Variants in SCUBE1 observed in about 807,000 individuals in gnomAD.
The protein encoded by SCUBE1 is signal peptide, CUB domain and EGF like domain containing 1.
In SCUBE1, 59 loss-of-function variants were observed where a neutral mutation model predicts 124.4. That is an observed-to-expected ratio of 0.47 (90% CI 0.38 to 0.59). SCUBE1 has a LOEUF of 0.59. SCUBE1 is among the 20% of genes least tolerant of loss of function. The pLI is 0.00. For missense variants in SCUBE1, 1,150 were observed against 1,371.2 expected (o/e 0.84, Z 2.55); for synonymous variants, 545 against 550.9 (o/e 0.99, Z 0.15).
chr22:43,199,870 G>C lies in SCUBE1; in HGVS notation c.*4127C>G, dbSNP rs185475377. 3.9e-5 allele frequency: 6 copies of C among 152,542 alleles called. No homozygotes were observed. Among genetic ancestry groups the C allele is most frequent in the African/African-American group, 4.8e-5 (2 of 41,458 alleles). 9.4% of individuals were successfully genotyped at this position (152,542 alleles called of 1,614,324 possible). A position where few individuals can be genotyped will look rare whatever the true frequency, so the allele number is the denominator to read the frequency against. ...AGGCACAGCCTAATTCTGGGCAGCA[G>C]GTGAGGCCACCTGGCTGCAGGCTGC... On this transcript the variant is annotated 3_prime_UTR_variant, in exon 22 of 22. Transcript: ENST00000360835.
intron 6 of SCUBE1, among the ~76,000 whole-genome samples, chr22:43,251,827 C>T (rs1214553695): frequency 2.0e-5 from 3 of 152,168 alleles, no homozygotes; most frequent in East Asian, 3.9e-4. Flanking sequence ...GCAAGAGGAG[C>T]GGAATGCTCC....
At chr22:43,225,612 T>C (rs982719134) in intron 10 of SCUBE1, among the ~76,000 whole-genome samples, 1 of 150,418 alleles carries the variant, frequency 6.6e-6, no homozygotes, top group Non-Finnish European at 1.5e-5. Flanking sequence ...TCGTCTCTAT[T>C]AAAAATACAA....
At chr22:43,266,726 A>G (rs534948571) in intron 4 of SCUBE1, among the ~76,000 whole-genome samples, 84 of 152,172 alleles carry the variant, frequency 5.5e-4, no homozygotes, top group African/African-American at 2.0e-3. Context: ...CCTGGGGGGA[A>G]CCGATTTGGG....
chr22:43,214,046 C>CCCGGGGGG, intron 16 of SCUBE1, 44 bp downstream of exon 16: 1 of 422,702 alleles, frequency 2.4e-6, no homozygotes, highest in Non-Finnish European at 4.1e-6. Context: ...GAGGAGCCCC[C>CCCGGGGGG]GCCCACCCCC....
Position 43,265,750 on chromosome 22 carries a change from A to C in SCUBE1, c.485-2905T>G, listed in dbSNP as rs150155500. On this transcript the variant is annotated intron_variant, in intron 4 of 21. Coordinates refer to ENST00000360835, the MANE Select transcript of SCUBE1 (RefSeq NM_173050.5). ...TTACAGCTATCGAGACTGGCTAGAT[A>C]CTACAGAGAGAAATTTACATTTACT... is the stretch of plus-strand genomic sequence containing the variant. 2.4e-3 allele frequency among the ~76,000 whole-genome samples: 364 copies of C among 152,348 alleles called. 1 individual carries two copies. Among genetic ancestry groups the C allele is most frequent in the African/African-American group, 8.4e-3 (348 of 41,576 alleles).
At chr22:43,226,574 G>T (rs982130002) in intron 10 of SCUBE1, among the ~76,000 whole-genome samples, 3 of 150,160 alleles carry the variant, frequency 2.0e-5, no homozygotes, top group Admixed American at 6.7e-5. Context: ...CATTCCAAGC[G>T]CTGTGGCTTT....
At chr22:43,208,003 A>G (rs1333717377) in intron 20 of SCUBE1, 69 bp downstream of exon 20, 1 of 1,560,046 alleles carries the variant, frequency 6.4e-7, no homozygotes, top group African/African-American at 1.4e-5. Context: ...GGGACGTGCG[A>G]CTCATCTCTG....
intron 8 of SCUBE1, 116 bp downstream of exon 8, chr22:43,231,637 C>T (rs896937306): frequency 6.8e-6 from 9 of 1,313,910 alleles, no homozygotes; most frequent in Non-Finnish European, 8.3e-6. Flanking sequence ...CCCATTCCCT[C>T]GGGCCCAGCC....
chr22:43,304,835 G>A (rs537603679), intron 3 of SCUBE1, among the ~76,000 whole-genome samples: 4 of 152,154 alleles, frequency 2.6e-5, no homozygotes, highest in East Asian at 1.9e-4. Context: ...CAGGTAGGGC[G>A]AGTCACCCAC....
chr22:43,336,436 C>A (rs977131299), intron 2 of SCUBE1, among the ~76,000 whole-genome samples: 1 of 152,202 alleles, frequency 6.6e-6, no homozygotes, highest in Non-Finnish European at 1.5e-5. Flanking sequence ...GGAGAGCCAA[C>A]TCAGACTAAA....
At chr22:43,306,181 T>C (rs1484726559) in intron 3 of SCUBE1, among the ~76,000 whole-genome samples, 1 of 152,174 alleles carries the variant, frequency 6.6e-6, no homozygotes, top group Non-Finnish European at 1.5e-5. Flanking sequence ...CTGGACTGGG[T>C]TGAGATGCCC....
chr22:43,198,308 G>T lies in SCUBE1; in HGVS notation c.*5689C>A, dbSNP rs1920956137. On this transcript the variant is annotated 3_prime_UTR_variant, in exon 22 of 22. Transcript: ENST00000360835. ...GGCTCTGAGTGGCATGGTGCAGCAG[G>T]GGACTGGAGAGGCCTTGAGGCCATC... 1 of 348,390 alleles carries T rather than the reference G, an allele frequency of 2.9e-6. No homozygotes were observed. The highest frequency in any genetic ancestry group is 7.7e-5 in the East Asian group (1 of 13,046). The allele number at this position is 348,390 out of a possible 1,614,324, so 21.6% of individuals were successfully genotyped here. A position where few individuals can be genotyped will look rare whatever the true frequency, so the allele number is the denominator to read the frequency against.
At chr22:43,272,264 C>G (rs1307188282) in intron 4 of SCUBE1, among the ~76,000 whole-genome samples, 2 of 152,180 alleles carry the variant, frequency 1.3e-5, no homozygotes, top group African/African-American at 4.8e-5. Flanking sequence ...GAAGCTGGCC[C>G]ACTCTGCCTG....
At chr22:43,292,867 G>A (rs1925418155) in intron 3 of SCUBE1, among the ~76,000 whole-genome samples, 1 of 152,236 alleles carries the variant, frequency 6.6e-6, no homozygotes, top group Admixed American at 6.5e-5. Context: ...AGTCAGAGGA[G>A]GCAGGCAGAG....
At chr22:43,285,270 C>G (rs1925092853) in intron 4 of SCUBE1, among the ~76,000 whole-genome samples, 1 of 152,206 alleles carries the variant, frequency 6.6e-6, no homozygotes, top group African/African-American at 2.4e-5. Context: ...GCGCTGTGAA[C>G]TGAGTGCTGT....
At chr22:43,268,452 G>T (rs934368263) in intron 4 of SCUBE1, among the ~76,000 whole-genome samples, 1 of 152,220 alleles carries the variant, frequency 6.6e-6, no homozygotes, top group Non-Finnish European at 1.5e-5. Flanking sequence ...CAGGCGGCCC[G>T]CCAGGTCGAA....
At chr22:43,229,227 T>TTG in intron 8 of SCUBE1, 39 bp from the exon 9 acceptor site, 1 of 1,201,860 alleles carries the variant, frequency 8.3e-7, no homozygotes, top group Non-Finnish European at 1.2e-6. Flanking sequence ...GGGAGGAGTT[T>TTG]GAGGGAGTGG....
chr22:43,216,683 T>G (rs930607615), intron 15 of SCUBE1, among the ~76,000 whole-genome samples: 4 of 151,830 alleles, frequency 2.6e-5, no homozygotes, highest in Admixed American at 6.6e-5. Flanking sequence ...AAAAAGAAAG[T>G]AGAAGATGAC....
rs776980765 is a variant in SCUBE1 at position 43,223,178 on chromosome 22, G to C, written c.1246C>G (p.Arg416Gly). ...GCCTTGCTGCAGGACAGCTGGGCCC[G>C]GGGGGAGGTCTTGGCGCGAGAAAGA... is the stretch of plus-strand genomic sequence containing the variant. Reference protein sequence around the residue: ...KCLSRAKTSPRAQLSCSKAGG... With the variant: ...KCLSRAKTSPGAQLSCSKAGG... Residue 416 changes from arginine to glycine, a missense_variant, in exon 11 of 22, where the codon CGG (arginine) becomes GGG (glycine). By Grantham distance (125) the Arg-to-Gly change is moderately radical (BLOSUM62 -2). Coordinates refer to ENST00000360835, the MANE Select transcript of SCUBE1 (RefSeq NM_173050.5). The C allele has an allele frequency of 1.3e-6, 2 of 1,569,976 alleles. No individual in the cohort carries two copies. Among genetic ancestry groups the C allele is most frequent in the African/African-American group, 1.4e-5 (1 of 72,042 alleles).
Sources: gnomAD v4.1 joint callset for allele counts (sites outside exome capture counted in the v4.1 genomes callset) on GRCh38, gnomAD v4.1.1 for gene constraint, MANE v1.5 for transcripts, NCBI Gene and HGNC (gene_info 2026-07-23, HGNC 2026-07-21) for gene names.